The following SGMS1 variants were observed in gnomAD, a reference collection of about 807,000 sequenced individuals.
SGMS1 encodes the protein sphingomyelin synthase 1.
A neutral mutation model predicts 46.2 loss-of-function variants in SGMS1; 13 were observed. The observed-to-expected ratio is 0.28, with a 90% confidence interval of 0.18 to 0.45. The LOEUF (loss-of-function observed/expected upper bound fraction) is 0.45. Among genes scored for constraint, SGMS1 ranks in the 20% least tolerant of loss-of-function variants. SGMS1 has a pLI of 1.00. For synonymous variants in SGMS1, 203 were observed against 187.8 expected (o/e 1.08, Z -0.66); for missense variants, 324 against 519.9 (o/e 0.62, Z 3.66).
At chr10:50,315,899 T>C (rs1349540461) in intron 8 of SGMS1, among the ~76,000 whole-genome samples, 7 of 152,044 alleles carry the variant, frequency 4.6e-5, no homozygotes, top group East Asian at 3.9e-4. Flanking sequence ...ATTAGGTAAA[T>C]TGGCCAAATC....
intron 9 of SGMS1, among the ~76,000 whole-genome samples, chr10:50,310,859 A>G (rs1847242130): frequency 6.6e-6 from 1 of 152,328 alleles, no homozygotes; most frequent in Non-Finnish European, 1.5e-5. Context: ...GGCATGTAGC[A>G]TAGTGCCAAG....
At chr10:50,566,577 A>T (rs977386704) in intron 2 of SGMS1, among the ~76,000 whole-genome samples, 8 of 152,252 alleles carry the variant, frequency 5.3e-5, no homozygotes, top group Non-Finnish European at 8.8e-5. Flanking sequence ...TATGGTATGC[A>T]CTTATAGCCA....
intron 6 of SGMS1, among the ~76,000 whole-genome samples, chr10:50,356,419 C>CGGAA (rs1465093968): frequency 3.9e-5 from 6 of 152,118 alleles, no homozygotes; most frequent in Admixed American, 1.3e-4. Context: ...ACAAACACTG[C>CGGAA]GGAAGGCGGA....
intron 4 of SGMS1, among the ~76,000 whole-genome samples, chr10:50,461,782 T>C (rs1248598630): frequency 2.0e-5 from 3 of 152,164 alleles, no homozygotes; most frequent in Non-Finnish European, 4.4e-5. Flanking sequence ...ACAATTCTTA[T>C]AGAACAAAAC....
chr10:50,418,678 A>G (rs1849214849), intron 6 of SGMS1, among the ~76,000 whole-genome samples: 1 of 152,210 alleles, frequency 6.6e-6, no homozygotes, highest in Non-Finnish European at 1.5e-5. Context: ...TACGAAAGAT[A>G]CTTCAGTGGA....
intron 6 of SGMS1, among the ~76,000 whole-genome samples, chr10:50,400,227 T>C (rs773322074): frequency 2.5e-4 from 38 of 151,498 alleles, no homozygotes; most frequent in Non-Finnish European, 5.3e-4. Flanking sequence ...ATGGCCTAGA[T>C]TTAAAACCTA....
chr10:50,435,167 TG>T (rs1406662502), intron 5 of SGMS1, among the ~76,000 whole-genome samples: 5 of 152,342 alleles, frequency 3.3e-5, no homozygotes, highest in Admixed American at 2.6e-4. Flanking sequence ...ACCCCATCTG[TG>T]CTGTTTAATA....
chr10:50,414,140 C>CTT (rs1484490110), intron 6 of SGMS1, among the ~76,000 whole-genome samples: 4 of 152,204 alleles, frequency 2.6e-5, no homozygotes, highest in African/African-American at 9.7e-5. Context: ...TGGTTCACAC[C>CTT]TGTCATCCCA....
chr10:50,586,290 T>C (rs1251879683), intron 2 of SGMS1, among the ~76,000 whole-genome samples: 4 of 152,154 alleles, frequency 2.6e-5, no homozygotes, highest in Non-Finnish European at 5.9e-5. Flanking sequence ...ATACACTCAC[T>C]CTCCACCATG....
chr10:50,395,179 C>A (rs1392090204), intron 6 of SGMS1, among the ~76,000 whole-genome samples: 3 of 152,092 alleles, frequency 2.0e-5, no homozygotes, highest in Non-Finnish European at 4.4e-5. Flanking sequence ...AGAAAAAAAA[C>A]ACCTTCATGG....
At chr10:50,330,774 A>T (rs1243378317) in intron 7 of SGMS1, among the ~76,000 whole-genome samples, 2 of 152,206 alleles carry the variant, frequency 1.3e-5, no homozygotes, top group African/African-American at 4.8e-5. Flanking sequence ...CAGAATTGGG[A>T]GACTCAAATC....
chr10:50,618,786 C>A (rs914624323), intron 1 of SGMS1, among the ~76,000 whole-genome samples: 7 of 152,148 alleles, frequency 4.6e-5, no homozygotes, highest in Non-Finnish European at 8.8e-5. Context: ...TAAGTACATA[C>A]CCTTAGAGCA....
At chr10:50,506,037 T>C (rs1837703986) in intron 3 of SGMS1, among the ~76,000 whole-genome samples, 1 of 152,142 alleles carries the variant, frequency 6.6e-6, no homozygotes, top group Non-Finnish European at 1.5e-5. Context: ...CTTCCCATCC[T>C]TCTTCCTGGA....
chr10:50,320,432 C>T (rs773825163), intron 8 of SGMS1, among the ~76,000 whole-genome samples: 1 of 152,182 alleles, frequency 6.6e-6, no homozygotes, highest in Non-Finnish European at 1.5e-5. Flanking sequence ...AAAACAGGTG[C>T]ATATAATTTG....
chr10:50,370,387 T>C (rs939917686), intron 6 of SGMS1, among the ~76,000 whole-genome samples: 1 of 151,744 alleles, frequency 6.6e-6, no homozygotes, highest in African/African-American at 2.4e-5. Context: ...CCTTATTCTA[T>C]AGGCTTTTTT....
chr10:50,538,678 C>A (rs985535757), intron 2 of SGMS1, among the ~76,000 whole-genome samples: 1 of 152,140 alleles, frequency 6.6e-6, no homozygotes, highest in Admixed American at 6.5e-5. Flanking sequence ...AGGGATGACA[C>A]CATTCCCCAC....
rs11005414 is a variant in SGMS1 at position 50,379,508 on chromosome 10, C to T, written c.-231-35163G>A. On this transcript the variant is annotated intron_variant, in intron 6 of 10. Transcript: ENST00000361781. ...ATCTAGAAACATATACATACAGAGGCTACGGAGGGACAGGGATAGAGAATT... is the reference window on the plus strand; with the variant it reads ...ATCTAGAAACATATACATACAGAGGTTACGGAGGGACAGGGATAGAGAATT... 2.0e-5 allele frequency among the ~76,000 whole-genome samples: 3 copies of T among 151,914 alleles called. No individual in the cohort carries two copies. The East Asian group carries it at 5.8e-4, about 29-fold the overall frequency.
chr10:50,343,433 T>A (rs1357271926), intron 7 of SGMS1, 59 bp downstream of exon 7: 1 of 1,466,096 alleles, frequency 6.8e-7, no homozygotes, highest in Non-Finnish European at 9.1e-7. Flanking sequence ...AAATAATAAG[T>A]AGATGTTTGG....
intron 6 of SGMS1, among the ~76,000 whole-genome samples, chr10:50,395,444 G>C (rs984816993): frequency 6.6e-6 from 1 of 152,102 alleles, no homozygotes; most frequent in African/African-American, 2.4e-5. Flanking sequence ...ATTAGTATTA[G>C]CCAACCTAAG....
Sources: allele counts gnomAD v4.1 joint callset (sites outside exome capture counted in the v4.1 genomes callset), GRCh38; gene constraint gnomAD v4.1.1; transcripts MANE v1.5; gene names NCBI Gene and HGNC (gene_info 2026-07-23, HGNC 2026-07-21).